Variants in PTPRM observed in about 807,000 individuals in gnomAD.
PTPRM encodes the protein protein tyrosine phosphatase receptor type M.
In PTPRM, 47 loss-of-function variants were observed where a neutral mutation model predicts 186.7. That is an observed-to-expected ratio of 0.25 (90% CI 0.20 to 0.32). The LOEUF (loss-of-function observed/expected upper bound fraction) is 0.32, where lower values mean the gene tolerates loss of function less well. Ranked by LOEUF, PTPRM falls within the 10% of genes least tolerant of loss-of-function variation. The pLI is 1.00. For synonymous variants in PTPRM, 668 were observed against 674.9 expected (o/e 0.99, Z 0.16); for missense variants, 1,494 against 1,865.0 (o/e 0.80, Z 3.66).
intron 1 of PTPRM, among the ~76,000 whole-genome samples, chr18:7,621,039 T>TAAAC (rs1252073863): frequency 3.9e-5 from 6 of 152,052 alleles, no homozygotes; most frequent in South Asian, 2.1e-4. Context: ...AATAAATAAA[T>TAAAC]AAACAAAACT....
At chr18:8,358,790 G>A (rs930047835) in intron 23 of PTPRM, among the ~76,000 whole-genome samples, 3 of 152,220 alleles carry the variant, frequency 2.0e-5, no homozygotes, top group African/African-American at 7.2e-5. Context: ...CACAGAGAAA[G>A]TATGAGTGAC....
chr18:8,198,244 C>T (rs922880908), intron 14 of PTPRM, among the ~76,000 whole-genome samples: 3 of 152,046 alleles, frequency 2.0e-5, no homozygotes, highest in Admixed American at 1.3e-4. Context: ...CTTCCCAGGC[C>T]CAGGTGATCC....
chr18:7,823,923 A>C lies in PTPRM; in HGVS notation c.196+49652A>C, dbSNP rs118029515. Among the ~76,000 whole-genome samples the C allele has an allele frequency of 5.8e-3, 887 of 152,200 alleles. 4 individuals carry two copies. Among genetic ancestry groups the C allele is most frequent in the Non-Finnish European group, 8.0e-3 (542 of 68,022 alleles). On this transcript the variant is annotated intron_variant, in intron 2 of 32. Transcript: ENST00000580170. ...TCCTACTAGTTCTGTCCCTCTAGAG[A>C]ACCCTGACTAATATACTTGGACAAA... is the stretch of plus-strand genomic sequence containing the variant.
At chr18:7,587,981 A>G (rs528576940) in intron 1 of PTPRM, among the ~76,000 whole-genome samples, 1 of 152,292 alleles carries the variant, frequency 6.6e-6, no homozygotes, top group South Asian at 2.1e-4. Context: ...AGATTACTAA[A>G]AGCAGTTTAG....
intron 20 of PTPRM, among the ~76,000 whole-genome samples, chr18:8,304,312 G>C (rs985116039): frequency 6.6e-6 from 1 of 152,170 alleles, no homozygotes; most frequent in Non-Finnish European, 1.5e-5. Context: ...TTAGGGTGGG[G>C]CATAGACCTG....
chr18:8,011,286 A>G (rs143174541), intron 7 of PTPRM, among the ~76,000 whole-genome samples: 41 of 152,246 alleles, frequency 2.7e-4, no homozygotes, highest in East Asian at 1.9e-4. Context: ...TGAAATATCA[A>G]TGTCCCAAAT....
At chr18:7,960,670 A>C (rs2053618139) in intron 7 of PTPRM, among the ~76,000 whole-genome samples, 1 of 151,964 alleles carries the variant, frequency 6.6e-6, no homozygotes. Flanking sequence ...AGATAGGAGG[A>C]TAACTTGAGC....
At chr18:8,260,729 G>A (rs2094621375) in intron 19 of PTPRM, among the ~76,000 whole-genome samples, 1 of 152,210 alleles carries the variant, frequency 6.6e-6, no homozygotes. Flanking sequence ...GCTCTCTGCA[G>A]AGATCGCAGT....
At chr18:8,321,723 A>G (rs1203319713) in intron 22 of PTPRM, among the ~76,000 whole-genome samples, 1 of 152,214 alleles carries the variant, frequency 6.6e-6, no homozygotes, top group Non-Finnish European at 1.5e-5. Flanking sequence ...GGCAGTACTA[A>G]CATCACTGCT....
intron 14 of PTPRM, among the ~76,000 whole-genome samples, chr18:8,223,042 T>G (rs1860964): frequency 0.55 from 83,701 of 151,538 alleles, 23,675 homozygotes; most frequent in East Asian, 0.77. Flanking sequence ...TGGTCAACAT[T>G]GCGAAACCCC....
At chr18:7,913,624 T>C (rs953386088) in intron 4 of PTPRM, among the ~76,000 whole-genome samples, 2 of 152,216 alleles carry the variant, frequency 1.3e-5, no homozygotes, top group Admixed American at 6.5e-5. Context: ...TTGATTGATT[T>C]TGGGATGTTA....
At chr18:7,703,547 G>A (rs2040010854) in intron 1 of PTPRM, among the ~76,000 whole-genome samples, 1 of 152,146 alleles carries the variant, frequency 6.6e-6, no homozygotes, top group African/African-American at 2.4e-5. Flanking sequence ...TGCTGAAGTT[G>A]CTTATCAGCT....
At chr18:7,975,545 A>C (rs910805217) in intron 7 of PTPRM, among the ~76,000 whole-genome samples, 1 of 152,244 alleles carries the variant, frequency 6.6e-6, no homozygotes, top group Non-Finnish European at 1.5e-5. Context: ...AAGGTTCCAC[A>C]TAACAGTCTT....
chr18:7,606,632 G>A (rs1227100768), intron 1 of PTPRM, among the ~76,000 whole-genome samples: 1 of 152,164 alleles, frequency 6.6e-6, no homozygotes, highest in Non-Finnish European at 1.5e-5. Context: ...GCGTGATGGT[G>A]ACTTACAGGT....
intron 14 of PTPRM, among the ~76,000 whole-genome samples, chr18:8,203,222 G>A (rs2093882092): frequency 6.6e-6 from 1 of 152,240 alleles, no homozygotes; most frequent in African/African-American, 2.4e-5. Flanking sequence ...GTAACACGAT[G>A]TAACTGGTAT....
intron 21 of PTPRM, among the ~76,000 whole-genome samples, chr18:8,318,124 T>C (rs975041807): frequency 3.3e-5 from 5 of 152,100 alleles, no homozygotes; most frequent in Non-Finnish European, 5.9e-5. Context: ...AAGTTTCTTT[T>C]TTCTGTTTTC....
intron 7 of PTPRM, among the ~76,000 whole-genome samples, chr18:8,056,683 C>A (rs1337548676): frequency 6.6e-6 from 1 of 151,648 alleles, no homozygotes; most frequent in Non-Finnish European, 1.5e-5. Flanking sequence ...TTAACTGGAA[C>A]CATTACTTTA....
At chr18:8,318,530 C>T (rs1019441609) in intron 21 of PTPRM, among the ~76,000 whole-genome samples, 1 of 151,980 alleles carries the variant, frequency 6.6e-6, no homozygotes, top group Non-Finnish European at 1.5e-5. Context: ...CTCCTAAGCT[C>T]AAGCAGTCTG....
At chr18:8,314,152 T>C (rs2095290565) in intron 20 of PTPRM, among the ~76,000 whole-genome samples, 1 of 152,188 alleles carries the variant, frequency 6.6e-6, no homozygotes, top group Non-Finnish European at 1.5e-5. Context: ...TCAATTTGTG[T>C]TTTCATTGAA....
Sources: allele counts gnomAD v4.1 joint callset (sites outside exome capture counted in the v4.1 genomes callset), GRCh38; gene constraint gnomAD v4.1.1; transcripts MANE v1.5; gene names NCBI Gene and HGNC (gene_info 2026-07-23, HGNC 2026-07-21).